CCDC63: variants seen among roughly 807,000 people sequenced by gnomAD.
The protein encoded by CCDC63 is coiled-coil domain-containing protein 63.
CCDC63 carries 54 observed loss-of-function variants against 63.6 expected under a neutral mutation model. The observed-to-expected ratio is 0.85, with a 90% CI of 0.68 to 1.07. The LOEUF is 1.07. Among genes scored for constraint, CCDC63 ranks in the 50% least tolerant of loss-of-function variants. CCDC63 has a pLI of 0.00. For synonymous variants in CCDC63, 253 were observed against 266.1 expected, an observed-to-expected ratio of 0.95 and a Z score of 0.48; for missense variants, 637 against 689.6, an observed-to-expected ratio of 0.92 and a Z score of 0.86.
chr12:110,889,975 C>T lies in CCDC63; in HGVS notation c.1075-3101C>T, dbSNP rs545820395. On this transcript the variant is annotated intron_variant, in intron 8 of 11. Transcript: ENST00000308208. This position sits in a 1 kb window ranked among gnomAD's most constrained non-coding sequence, Gnocchi z 4.1. ...CTCCAAATCAGGAATAATTCCATCACACGGACATAGCATTGTTTCATCTTT... is the reference window on the plus strand; with the variant it reads ...CTCCAAATCAGGAATAATTCCATCATACGGACATAGCATTGTTTCATCTTT... Among the ~76,000 whole-genome samples, 1 of 152,076 alleles carries T rather than the reference C, an allele frequency of 6.6e-6. No individual in the cohort carries two copies. Among genetic ancestry groups the T allele is most frequent in the East Asian group, 1.9e-4 (1 of 5,178 alleles).
At chr12:110,885,695 C>T (rs1170072623) in intron 8 of CCDC63, among the ~76,000 whole-genome samples, 1 of 152,288 alleles carries the variant, frequency 6.6e-6, no homozygotes, top group African/African-American at 2.4e-5. Context: ...AATGTCGCCT[C>T]CTCTGGGAAT....
At chr12:110,852,032 C>T (rs578025215) in intron 1 of CCDC63, among the ~76,000 whole-genome samples, 1 of 152,146 alleles carries the variant, frequency 6.6e-6, no homozygotes, top group Non-Finnish European at 1.5e-5. Context: ...CCAGCTCCTG[C>T]AGTCTGGAAT....
chr12:110,906,661 TGCACACACACAC>T (rs2071589503), intron 11 of CCDC63, among the ~76,000 whole-genome samples: 1 of 151,670 alleles, frequency 6.6e-6, no homozygotes, highest in Non-Finnish European at 1.5e-5. Context: ...ACACAACACA[TGCACACACACAC>T]GCACACACAG....
intron 1 of CCDC63, among the ~76,000 whole-genome samples, chr12:110,848,545 G>A (rs1386156933): frequency 6.6e-6 from 1 of 152,174 alleles, no homozygotes; most frequent in Admixed American, 6.5e-5. Context: ...AGGAGGTGAT[G>A]GAGCTTTTGG....
chr12:110,897,443 A>C (rs2136735742), intron 9 of CCDC63, among the ~76,000 whole-genome samples: 1 of 151,506 alleles, frequency 6.6e-6, no homozygotes, highest in African/African-American at 2.4e-5. Flanking sequence ...AAAAAAACCC[A>C]AAAACTTAGC....
intron 4 of CCDC63, 79 bp from the exon 5 acceptor site, chr12:110,873,763 C>A (rs1860607467): frequency 6.5e-7 from 1 of 1,546,422 alleles, no homozygotes; most frequent in Non-Finnish European, 8.8e-7. Flanking sequence ...TCTGAGCACA[C>A]TTCAGTTAGT....
chr12:110,855,938 C>T (rs2070764108), intron 3 of CCDC63, among the ~76,000 whole-genome samples: 2 of 152,116 alleles, frequency 1.3e-5, no homozygotes, highest in Admixed American at 6.5e-5. Flanking sequence ...CACTTTTCCC[C>T]AGCACCAACC....
Position 110,884,109 on chromosome 12 carries a change from G to A in CCDC63, c.933G>A (p.Leu311=). 6.2e-7 allele frequency: 1 copy of A among 1,614,148 alleles called. No homozygotes were observed. The highest frequency in any genetic ancestry group is 8.5e-7 in the Non-Finnish European group (1 of 1,180,008). The change falls in exon 8 of 12, where the codon CTG becomes CTA. Residue 311 remains leucine (L), a synonymous_variant. Transcript: ENST00000308208. ...ESYEVAHLRL[L]KLAESGNLNQ... ...ATGAGGTGGCCCACCTCCGGCTGCT[G>A]AAGCTGGCTGAGAGTGGGAACCTAA...
intron 4 of CCDC63, among the ~76,000 whole-genome samples, chr12:110,873,100 G>A (rs1216769557): frequency 6.6e-6 from 1 of 152,122 alleles, no homozygotes; most frequent in Non-Finnish European, 1.5e-5. Flanking sequence ...GACAGGCATG[G>A]CGGTGCATGC....
At chr12:110,880,665 T>C (rs2071187873) in intron 6 of CCDC63, among the ~76,000 whole-genome samples, 1 of 3,724 alleles carries the variant, frequency 2.7e-4, no homozygotes, top group Admixed American at 3.7e-3. Flanking sequence ...TGATAAGTGG[T>C]GATGATGGTG....
intron 3 of CCDC63, 128 bp from the exon 4 acceptor site, chr12:110,858,458 C>A: frequency 1.4e-6 from 1 of 718,888 alleles, no homozygotes; most frequent in East Asian, 2.8e-5. Flanking sequence ...TGGACACGTC[C>A]CTTTTGCCTG....
intron 7 of CCDC63, among the ~76,000 whole-genome samples, chr12:110,883,533 G>A (rs1479344662): frequency 2.0e-5 from 3 of 152,220 alleles, no homozygotes; most frequent in African/African-American, 7.2e-5. Context: ...TGAAATGAAT[G>A]ATGGGTGAAG....
intron 4 of CCDC63, among the ~76,000 whole-genome samples, chr12:110,868,599 CAATCGCAGGCATTCGGCAGACTG>C (rs2071011538): frequency 1.3e-5 from 2 of 151,726 alleles, no homozygotes; most frequent in Non-Finnish European, 2.9e-5. Flanking sequence ...CGCGTGCCTG[CAATCGCAGGCATTCGGCAGACTG>C]AGGCAGGAGA....
At chr12:110,867,002 C>A (rs1347925837) in intron 4 of CCDC63, among the ~76,000 whole-genome samples, 9 of 119,434 alleles carry the variant, frequency 7.5e-5, no homozygotes, top group South Asian at 2.9e-4. Context: ...GGGGGCTGAC[C>A]CCCCCACCTC....
intron 6 of CCDC63, among the ~76,000 whole-genome samples, 182 bp downstream of exon 6, chr12:110,880,269 T>C (rs1022941206): frequency 1.3e-5 from 2 of 152,192 alleles, no homozygotes; most frequent in African/African-American, 4.8e-5. Flanking sequence ...TGGTGGGTAT[T>C]GTTTTAACTC....
At chr12:110,881,029 G>T in intron 6 of CCDC63, 86 bp from the exon 7 acceptor site, 1 of 1,218,464 alleles carries the variant, frequency 8.2e-7, no homozygotes, top group Non-Finnish European at 1.1e-6. Context: ...TCATTCTCTA[G>T]GCAGGAAGGC....
chr12:110,903,514 A>C (rs1156811700), intron 10 of CCDC63, among the ~76,000 whole-genome samples: 1 of 152,188 alleles, frequency 6.6e-6, no homozygotes. Context: ...TGGTAGGGCA[A>C]GGGCTGTATT....
intron 8 of CCDC63, among the ~76,000 whole-genome samples, chr12:110,891,634 C>CAA (rs1167265918): frequency 0.23 from 14,904 of 63,916 alleles, 1,182 homozygotes; most frequent in Non-Finnish European, 0.27. Flanking sequence ...GACCCTTTCT[C>CAA]AAAAAAAAAA....
At chr12:110,870,518 T>C (rs1388631297) in intron 4 of CCDC63, among the ~76,000 whole-genome samples, 1 of 152,214 alleles carries the variant, frequency 6.6e-6, no homozygotes, top group Non-Finnish European at 1.5e-5. Flanking sequence ...GCCTCAGTGT[T>C]GTTTCATCTG....
Sources: gnomAD v4.1 joint callset for allele counts (sites outside exome capture counted in the v4.1 genomes callset) on GRCh38, gnomAD v4.1.1 for gene constraint, Gnocchi (gnomAD v3.1) non-coding constraint, MANE v1.5 for transcripts, NCBI Gene and HGNC (gene_info 2026-07-23, HGNC 2026-07-21) for gene names.